Variants in SBF1 observed in about 807,000 individuals in gnomAD.
The protein encoded by SBF1 is myotubularin-related protein 5.
SBF1 carries 65 observed loss-of-function variants against 215.8 expected under a neutral mutation model. That is an observed-to-expected ratio of 0.30 (90% CI 0.25 to 0.37). The LOEUF is 0.37. SBF1 is among the 10% of genes least tolerant of loss of function. SBF1 has a pLI of 1.00. For missense variants in SBF1, 2,634 were observed against 2,667.8 expected, an observed-to-expected ratio of 0.99 and a Z score of 0.28; for synonymous variants, 1,410 against 1,122.8, an observed-to-expected ratio of 1.26 and a Z score of -5.11.
chr22:50,461,107 G>A (rs1005358557), intron 23 of SBF1, 52 bp downstream of exon 23: 1 of 1,541,170 alleles, frequency 6.5e-7, no homozygotes, highest in African/African-American at 1.4e-5. Flanking sequence ...CCGGTTTGCA[G>A]GAGAAAGACC....
chr22:50,474,809 AC>A lies in SBF1; in HGVS notation c.31del (p.Val11TrpfsTer73). On this transcript the variant is annotated frameshift_variant, in exon 1 of 41. Coordinates refer to ENST00000380817, the MANE Select transcript of SBF1 (RefSeq NM_002972.4). LOFTEE classifies it high-confidence loss of function. Reference sequence around the variant, plus strand: ...ACCGCGCGGGTGCGGCCCGAACGCCACCAGCACGAAGTAGTCCGCGAGCCGC... The same window carrying A: ...ACCGCGCGGGTGCGGCCCGAACGCCACAGCACGAAGTAGTCCGCGAGCCGC... MARLADYFVL[V>X]AFGPHPRGSG... 1 of 1,454,266 alleles carries A rather than the reference AC, an allele frequency of 6.9e-7. No individual in the cohort carries two copies. The highest frequency in any genetic ancestry group is 9.0e-7 in the Non-Finnish European group (1 of 1,107,042). 90.1% of individuals were successfully genotyped at this position (1,454,266 alleles called of 1,614,324 possible). A position where few individuals can be genotyped will look rare whatever the true frequency, so the allele number is the denominator to read the frequency against.
intron 31 of SBF1, chr22:50,455,867 AGT>A: frequency 1.8e-6 from 1 of 566,736 alleles, no homozygotes; most frequent in Non-Finnish European, 3.1e-6. Flanking sequence ...CAAGCCCTCC[AGT>A]GTTTACCAAG....
chr22:50,449,139 A>T (rs1309631501), intron 36 of SBF1, among the ~76,000 whole-genome samples: 1 of 151,746 alleles, frequency 6.6e-6, no homozygotes. Flanking sequence ...GCCACTGCAC[A>T]CCAGCATGGG....
chr22:50,468,079 C>G (rs2067850760), intron 2 of SBF1, among the ~76,000 whole-genome samples, 156 bp from the exon 3 acceptor site: 1 of 152,212 alleles, frequency 6.6e-6, no homozygotes, highest in African/African-American at 2.4e-5. Context: ...TCCTGGGCCT[C>G]AGTCTCTCCG....
chr22:50,452,564 CA>C (rs1206331329), intron 36 of SBF1, among the ~76,000 whole-genome samples: 2 of 151,142 alleles, frequency 1.3e-5, no homozygotes, highest in Non-Finnish European at 3.0e-5. Context: ...ACTAAAAATA[CA>C]AAAAAAATTT....
intron 38 of SBF1, 107 bp from the exon 39 acceptor site, chr22:50,447,716 G>A: frequency 1.3e-6 from 1 of 791,796 alleles, no homozygotes; most frequent in Non-Finnish European, 2.1e-6. Context: ...GGTAAGACCA[G>A]GCACCCTGTC....
chr22:50,467,906 C>G lies in SBF1; in HGVS notation c.159G>C (p.Gly53=). Residue 53 remains glycine, a synonymous_variant, in exon 3 of 41, where the codon GGG becomes GGC. Transcript: ENST00000380817. ...QGIELFCQPS[G]WQLCPERNPP... is the part of the protein sequence containing the mutation. ...GATTCCTCTCGGGACACAGCTGCCA[C>G]CCGCTGGGCTGGCAAAACTGCAGGG... The G allele has an allele frequency of 6.2e-7, 1 of 1,613,948 alleles. No individual in the cohort carries two copies. The highest frequency in any genetic ancestry group is 8.5e-7 in the Non-Finnish European group (1 of 1,179,958).
intron 31 of SBF1, 142 bp from the exon 32 acceptor site, chr22:50,455,724 G>A: frequency 2.9e-6 from 2 of 692,830 alleles, no homozygotes; most frequent in South Asian, 1.8e-5. Context: ...TGCGGGCAGA[G>A]CACTGGACAA....
chr22:50,463,598 C>T lies in SBF1; in HGVS notation c.1750-166G>A, dbSNP rs1482186104. On this transcript the variant is annotated intron_variant, in intron 15 of 40. Transcript: ENST00000380817. ...TAAAGACTAAAACCTCCAGTGGGCCCGACAACTCCACAAGTACAAGTTCAC... is the reference window on the plus strand; with the variant it reads ...TAAAGACTAAAACCTCCAGTGGGCCTGACAACTCCACAAGTACAAGTTCAC... 3.9e-5 allele frequency among the ~76,000 whole-genome samples: 6 copies of T among 152,174 alleles called. No individual in the cohort carries two copies. In the East Asian group the frequency reaches 5.8e-4, roughly 15 times the overall value.
Position 50,457,954 on chromosome 22 carries a change from G to A in SBF1, c.3827-843C>T, listed in dbSNP as rs933725436. Among the ~76,000 whole-genome samples, 2 of 152,166 alleles carry A rather than the reference G, an allele frequency of 1.3e-5. 1 individual carries two copies. Among genetic ancestry groups the A allele is most frequent in the South Asian group, 4.1e-4 (2 of 4,834 alleles). ...CAGGCGCCCAGCTCACAGTGAGGAC[G>A]CAGCACCAGCCTGCTTTGGACGCCA... On this transcript the variant is annotated intron_variant, in intron 28 of 40. Coordinates refer to ENST00000380817, the MANE Select transcript of SBF1 (RefSeq NM_002972.4).
rs915149916 is a variant in SBF1 at position 50,466,870 on chromosome 22, C to T, written c.550-160G>A. The stretch of plus-strand genomic sequence containing the variant: ...GCAAGAGGGAAACGCCATGCCCTGC[C>T]TCTGTTGTCCCAAGCAGCTGCAGAG... On this transcript the variant is annotated intron_variant, in intron 5 of 40. Transcript: ENST00000380817. The T allele has an allele frequency of 1.9e-5, 11 of 593,240 alleles. No individual in the cohort carries two copies. The African/African-American group carries it at 1.9e-4, about 10-fold the overall frequency. The allele number at this position is 593,240 out of a possible 1,614,324, so 36.7% of individuals were successfully genotyped here.
Position 50,446,530 on chromosome 22 carries a change from TG to T in SBF1, c.*611del, listed in dbSNP as rs542583044. 2.0e-4 allele frequency: 55 copies of T among 269,570 alleles called. No individual in the cohort carries two copies. The East Asian group carries it at 4.3e-3, about 21-fold the overall frequency. The allele number at this position is 269,570 out of a possible 1,614,324, so 16.7% of individuals were successfully genotyped here. A position where few individuals can be genotyped will look rare whatever the true frequency, so the allele number is the denominator to read the frequency against. ...AGCTTCTGCATCCCCTGGGTAGGGA[TG>T]GGGGCTTCCTCTCCAGCCGTGCCGG... On this transcript the variant is annotated 3_prime_UTR_variant, in exon 41 of 41. Transcript: ENST00000380817.
chr22:50,455,706 G>A (rs2067219847), intron 31 of SBF1, 124 bp from the exon 32 acceptor site: 3 of 765,272 alleles, frequency 3.9e-6, no homozygotes, highest in South Asian at 3.3e-5. Context: ...AGCCCCCCAA[G>A]CCCTGTATGC....
chr22:50,467,886 C>T lies in SBF1; in HGVS notation c.179G>A (p.Arg60Lys). 1 of 1,614,024 alleles carries T rather than the reference C, an allele frequency of 6.2e-7. No homozygotes were observed. The change falls in exon 3 of 41, where the codon AGG becomes AAG. Residue 60 changes from arginine to lysine, a missense_variant. Transcript: ENST00000380817. ...QPSGWQLCPE[R>K]NPPTFFVAVL... Reference sequence around the variant, plus strand: ...AGCAACAAAGAAGGTCGGTGGATTCCTCTCGGGACACAGCTGCCACCCGCT... The same window carrying T: ...AGCAACAAAGAAGGTCGGTGGATTCTTCTCGGGACACAGCTGCCACCCGCT...
At chr22:50,452,979 GAAAA>G (rs1224071856) in intron 36 of SBF1, among the ~76,000 whole-genome samples, 2 of 148,962 alleles carry the variant, frequency 1.3e-5, no homozygotes, top group East Asian at 2.0e-4. Flanking sequence ...TTTAAAAAAA[GAAAA>G]GAAAGAAAGG....
At position 50,468,407 on chromosome 22, in the gene SBF1, T is replaced by C; in HGVS notation, c.110A>G (p.Glu37Gly). The C allele has an allele frequency of 6.2e-7, 1 of 1,612,886 alleles. No individual in the cohort carries two copies. The highest frequency in any genetic ancestry group is 8.5e-7 in the Non-Finnish European group (1 of 1,179,372). Reference protein sequence around the residue: ...ILQRFPEKDWEDNPFPQGIEL... With the variant: ...ILQRFPEKDWGDNPFPQGIEL... Reference sequence around the variant, plus strand: ...GATGCCCTGGGGGAATGGGTTGTCCTCCCAGTCCTTCTCTGGGAAGCGCTG... The same window carrying C: ...GATGCCCTGGGGGAATGGGTTGTCCCCCCAGTCCTTCTCTGGGAAGCGCTG... The change falls in exon 2 of 41, where the codon GAG (glutamate) becomes GGG (glycine). Residue 37 changes from glutamate (E) to glycine (G), a missense_variant. Physicochemically the swap from Glu to Gly is moderately conservative, Grantham distance 98. Transcript: ENST00000380817.
Position 50,460,521 on chromosome 22 carries a change from C to T in SBF1, c.3146+13G>A. On this transcript the variant is annotated intron_variant, in intron 24 of 40. Transcript: ENST00000380817. ...TGAGGCCCAGCTGCCCTGCCTGGGA[C>T]CCAGATCCATACCTGAGGGAAGGAC... 2 of 1,613,472 alleles carry T rather than the reference C, an allele frequency of 1.2e-6. No individual in the cohort carries two copies. Among genetic ancestry groups the T allele is most frequent in the African/African-American group, 1.3e-5 (1 of 75,034 alleles).
At position 50,462,188 on chromosome 22, in the gene SBF1, C is replaced by T. The variant is rs769722279; in HGVS notation, c.2396+17G>A. 3 of 1,604,150 alleles carry T rather than the reference C, an allele frequency of 1.9e-6. No individual in the cohort carries two copies. Among genetic ancestry groups the T allele is most frequent in the Non-Finnish European group, 2.5e-6 (3 of 1,179,392 alleles). ...GGCCCCGCCTCCACTGGGCCCAACCCCCAGTCCCTGCCTCACCTGTTGGTG... is the reference window on the plus strand; with the variant it reads ...GGCCCCGCCTCCACTGGGCCCAACCTCCAGTCCCTGCCTCACCTGTTGGTG... On this transcript the variant is annotated intron_variant, in intron 19 of 40. Coordinates refer to ENST00000380817, the MANE Select transcript of SBF1 (RefSeq NM_002972.4).
chr22:50,459,831 G>A (rs1366422827), intron 26 of SBF1, 121 bp downstream of exon 26: 8 of 1,377,368 alleles, frequency 5.8e-6, no homozygotes, highest in Non-Finnish European at 7.0e-6. Context: ...CCGTCCCTCT[G>A]CCCGGAGTCT....
Sources: allele counts gnomAD v4.1 joint callset (sites outside exome capture counted in the v4.1 genomes callset), GRCh38; gene constraint gnomAD v4.1.1; transcripts MANE v1.5; gene names NCBI Gene and HGNC (gene_info 2026-07-23, HGNC 2026-07-21).